Variants in PRIM2 observed in about 807,000 individuals in gnomAD.
PRIM2 encodes DNA primase large subunit.
Under a neutral mutation model 67.3 loss-of-function variants are expected in PRIM2, and 39 were observed. The observed-to-expected ratio is 0.58, with a 90% CI of 0.45 to 0.76. The LOEUF is 0.76. PRIM2 is among the 30% of genes least tolerant of loss of function. The pLI, the probability that PRIM2 is intolerant of heterozygous loss-of-function variation, is 0.00. For missense variants in PRIM2, 398 were observed against 598.7 expected (o/e 0.66, Z 3.50); for synonymous variants, 143 against 198.7 (o/e 0.72, Z 2.36).
chr6:57,603,693 A>C (rs1776511883), intron 11 of PRIM2, among the ~76,000 whole-genome samples: 1 of 151,556 alleles, frequency 6.6e-6, no homozygotes, highest in African/African-American at 2.4e-5. Context: ...TGAATTTTAG[A>C]ATAGTTGTTT....
At chr6:57,627,343 A>G (rs1776968349) in intron 12 of PRIM2, among the ~76,000 whole-genome samples, 1 of 150,354 alleles carries the variant, frequency 6.7e-6, no homozygotes, top group African/African-American at 2.4e-5. Context: ...AATACGAATT[A>G]CCAAAATATT....
intron 7 of PRIM2, among the ~76,000 whole-genome samples, chr6:57,387,369 T>C (rs1282968726): frequency 6.6e-6 from 1 of 152,138 alleles, no homozygotes; most frequent in Non-Finnish European, 1.5e-5. Context: ...TTAATCCCAC[T>C]ATAAGTCACT....
intron 12 of PRIM2, among the ~76,000 whole-genome samples, 188 bp from the exon 13 acceptor site, chr6:57,631,945 T>G (rs1777042915): frequency 1.3e-5 from 2 of 152,240 alleles, no homozygotes; most frequent in Admixed American, 1.3e-4. Context: ...AATGCTGACC[T>G]AAACCACTAC....
intron 7 of PRIM2, among the ~76,000 whole-genome samples, chr6:57,407,330 A>G (rs7756644): frequency 0.63 from 95,100 of 150,108 alleles, 30,282 homozygotes; most frequent in South Asian, 0.72. Context: ...TTTGGACTAT[A>G]TTTGAATTTT....
chr6:57,303,256 G>C, the PRIM2 span, among the ~76,000 whole-genome samples: 1 of 152,084 alleles, frequency 6.6e-6, no homozygotes, highest in Non-Finnish European at 1.5e-5. Context: ...AAGAGCATAT[G>C]TTGAGGTTAA....
intron 5 of PRIM2, among the ~76,000 whole-genome samples, chr6:57,326,545 A>G (rs1767864626): frequency 6.6e-6 from 1 of 151,966 alleles, no homozygotes; most frequent in African/African-American, 2.4e-5. Flanking sequence ...ACATAGTGAA[A>G]CCCCCACTCT....
At chr6:57,474,660 T>C (rs1773431708) in intron 7 of PRIM2, among the ~76,000 whole-genome samples, 1 of 152,140 alleles carries the variant, frequency 6.6e-6, no homozygotes, top group Non-Finnish European at 1.5e-5. Flanking sequence ...GCTGTTTGAA[T>C]GTGGCCTCTC....
chr6:57,513,900 T>C (rs1292244835), intron 8 of PRIM2, among the ~76,000 whole-genome samples: 51 of 152,218 alleles, frequency 3.4e-4, no homozygotes, highest in Admixed American at 4.6e-4. Flanking sequence ...TAACTCATTT[T>C]TAAAATGCGT....
chr6:57,593,562 C>A (rs1776318794), intron 10 of PRIM2, among the ~76,000 whole-genome samples: 1 of 152,224 alleles, frequency 6.6e-6, no homozygotes, highest in Non-Finnish European at 1.5e-5. Context: ...CTCGGCCTCC[C>A]AAAGTACTGG....
chr6:57,460,457 C>G (rs1165655302), intron 7 of PRIM2, among the ~76,000 whole-genome samples: 1 of 152,080 alleles, frequency 6.6e-6, no homozygotes, highest in Non-Finnish European at 1.5e-5. Context: ...CGAAAACCAT[C>G]AAAAGGATAT....
intron 5 of PRIM2, among the ~76,000 whole-genome samples, chr6:57,357,287 C>G (rs1002097085): frequency 3.9e-5 from 6 of 152,130 alleles, no homozygotes; most frequent in African/African-American, 1.4e-4. Context: ...GATGTCTATG[C>G]TACAGCCCCT....
intron 7 of PRIM2, among the ~76,000 whole-genome samples, chr6:57,491,872 G>A (rs1554345985): frequency 6.6e-6 from 1 of 152,144 alleles, no homozygotes; most frequent in Non-Finnish European, 1.5e-5. Context: ...GACGAGGCTG[G>A]GTTCCTTATT....
At chr6:57,427,896 C>G (rs1176875349) in intron 7 of PRIM2, among the ~76,000 whole-genome samples, 1 of 151,942 alleles carries the variant, frequency 6.6e-6, no homozygotes, top group African/African-American at 2.4e-5. Context: ...AAATTTGAAC[C>G]TTATTCTTAT....
intron 7 of PRIM2, among the ~76,000 whole-genome samples, chr6:57,503,893 G>T: frequency 6.6e-6 from 1 of 152,210 alleles, no homozygotes; most frequent in South Asian, 2.1e-4. Flanking sequence ...CCTCTGTGAG[G>T]AGGTGATATT....
At chr6:57,294,837 TCTCA>T in the PRIM2 span, among the ~76,000 whole-genome samples, 6 of 151,564 alleles carry the variant, frequency 4.0e-5, no homozygotes, top group African/African-American at 1.5e-4. Context: ...TGAGACACAG[TCTCA>T]CTCTGTCACC....
the PRIM2 span, among the ~76,000 whole-genome samples, chr6:57,227,395 G>A: frequency 1.3e-5 from 2 of 152,196 alleles, no homozygotes; most frequent in Non-Finnish European, 2.9e-5. Flanking sequence ...TGTAATCCCA[G>A]CACTTTGGGA....
intron 7 of PRIM2, among the ~76,000 whole-genome samples, chr6:57,401,423 G>A (rs1770704748): frequency 6.6e-6 from 1 of 152,128 alleles, no homozygotes; most frequent in East Asian, 1.9e-4. Context: ...GTGTGATGCG[G>A]TAGGTGACAT....
intron 7 of PRIM2, among the ~76,000 whole-genome samples, chr6:57,395,243 ATTC>A (rs1194242687): frequency 1.3e-5 from 2 of 152,120 alleles, no homozygotes; most frequent in Non-Finnish European, 2.9e-5. Context: ...ATTGGTACCA[ATTC>A]TTCTTTGAAT....
chr6:57,460,851 A>C (rs1385036856), intron 7 of PRIM2, among the ~76,000 whole-genome samples: 5 of 152,352 alleles, frequency 3.3e-5, no homozygotes, highest in African/African-American at 7.2e-5. Context: ...TTCTTATTCT[A>C]AATTTTACCT....
Sources: gnomAD v4.1 joint callset for allele counts (sites outside exome capture counted in the v4.1 genomes callset) on GRCh38, gnomAD v4.1.1 for gene constraint, MANE v1.5 for transcripts, NCBI Gene and HGNC (gene_info 2026-07-23, HGNC 2026-07-21) for gene names.